Variants in ANAPC4 observed in about 807,000 individuals in gnomAD.
ANAPC4 encodes anaphase promoting complex subunit 4.
A neutral mutation model predicts 119.8 loss-of-function variants in ANAPC4; 63 were observed. That is an observed-to-expected ratio of 0.53 (90% CI 0.43 to 0.65). The LOEUF (loss-of-function observed/expected upper bound fraction) is 0.65. Among genes scored for constraint, ANAPC4 ranks in the 30% least tolerant of loss-of-function variants. The probability of loss-of-function intolerance (pLI) is 0.00; values close to 1 mark genes in which losing one functional copy is unlikely to be tolerated. For synonymous variants in ANAPC4, 283 were observed against 318.6 expected, an observed-to-expected ratio of 0.89 and a Z score of 1.19; for missense variants, 716 against 945.1, an observed-to-expected ratio of 0.76 and a Z score of 3.18.
intron 21 of ANAPC4, among the ~76,000 whole-genome samples, chr4:25,410,150 C>T (rs1723481574): frequency 6.6e-6 from 1 of 152,086 alleles, no homozygotes; most frequent in Non-Finnish European, 1.5e-5. Flanking sequence ...CACAGGGATG[C>T]TCAACTGTAT....
chr4:25,390,305 G>GT (rs562446911), intron 8 of ANAPC4, 85 bp downstream of exon 8: 345 of 980,482 alleles, frequency 3.5e-4, no homozygotes, highest in Non-Finnish European at 4.6e-4. Flanking sequence ...AAAACACTAG[G>GT]TTTTTTTTCA....
intron 10 of ANAPC4, among the ~76,000 whole-genome samples, chr4:25,392,876 C>G (rs548762603): frequency 6.6e-6 from 1 of 152,158 alleles, no homozygotes; most frequent in Non-Finnish European, 1.5e-5. Context: ...GCTGTGATTC[C>G]TTGTCTCTAC....
At chr4:25,396,478 T>C (rs1722660001) in intron 14 of ANAPC4, among the ~76,000 whole-genome samples, 186 bp from the exon 15 acceptor site, 1 of 152,264 alleles carries the variant, frequency 6.6e-6, no homozygotes, top group Non-Finnish European at 1.5e-5. Context: ...TGTTTATCTC[T>C]GTAGTCACAT....
chr4:25,394,973 C>T lies in ANAPC4; in HGVS notation c.1061+68C>T, dbSNP rs1162469999. On this transcript the variant is annotated intron_variant, in intron 14 of 28. Transcript: ENST00000315368. ...TACCTGGCGTTGGCCTTCTTTCCGC[C>T]GCCTTTTCTTCATCTGGCATTCTCT... is the stretch of plus-strand genomic sequence containing the variant. 43 of 1,209,936 alleles carry T rather than the reference C, an allele frequency of 3.6e-5. No homozygotes were observed. In the East Asian group the frequency reaches 5.1e-4, roughly 14 times the overall value. 75.0% of individuals were successfully genotyped at this position (1,209,936 alleles called of 1,614,324 possible).
chr4:25,415,579 T>C, intron 26 of ANAPC4, 39 bp downstream of exon 26: 1 of 1,532,902 alleles, frequency 6.5e-7, no homozygotes, highest in East Asian at 2.3e-5. Context: ...TGTAGATACA[T>C]GTGATATGTG....
chr4:25,413,560 T>G, intron 21 of ANAPC4, 85 bp from the exon 22 acceptor site: 1 of 958,568 alleles, frequency 1.0e-6, no homozygotes, highest in Non-Finnish European at 1.6e-6. Context: ...CTGTGCAGAC[T>G]GGCTCTAACA....
intron 2 of ANAPC4, among the ~76,000 whole-genome samples, chr4:25,377,903 A>G (rs1721497019): frequency 6.6e-6 from 1 of 152,258 alleles, no homozygotes; most frequent in Non-Finnish European, 1.5e-5. Flanking sequence ...TGTGCTGCTC[A>G]TGAGCTAGAC....
intron 18 of ANAPC4, among the ~76,000 whole-genome samples, chr4:25,406,436 A>G (rs952135646): frequency 1.3e-5 from 2 of 152,224 alleles, no homozygotes; most frequent in African/African-American, 2.4e-5. Context: ...GCAGGAGCCT[A>G]CACTGAAGCA....
intron 21 of ANAPC4, 133 bp from the exon 22 acceptor site, chr4:25,413,512 C>T (rs763759509): frequency 1.8e-4 from 109 of 593,056 alleles, no homozygotes; most frequent in Non-Finnish European, 2.8e-4. Context: ...TGTGAAAATC[C>T]AATGAAGTGG....
intron 3 of ANAPC4, among the ~76,000 whole-genome samples, chr4:25,382,913 A>G (rs1445197287): frequency 1.3e-5 from 2 of 152,210 alleles, no homozygotes; most frequent in Non-Finnish European, 2.9e-5. Context: ...CCTTTTAGAC[A>G]TGTGATAACA....
intron 21 of ANAPC4, among the ~76,000 whole-genome samples, chr4:25,412,015 CT>C (rs1723596609): frequency 6.6e-6 from 1 of 152,128 alleles, no homozygotes; most frequent in Non-Finnish European, 1.5e-5. Flanking sequence ...GGTAGCCATG[CT>C]TGTTGTCTGA....
chr4:25,388,908 A>G (rs777236882), intron 7 of ANAPC4, 26 bp downstream of exon 7: 1 of 1,538,870 alleles, frequency 6.5e-7, no homozygotes, highest in South Asian at 1.2e-5. Flanking sequence ...AAATAAGTCT[A>G]ATTTCTTAAA....
Position 25,380,982 on chromosome 4 carries a change from C to T in ANAPC4, c.235+503C>T, listed in dbSNP as rs554071581. Among the ~76,000 whole-genome samples the T allele has an allele frequency of 3.3e-5, 5 of 152,268 alleles. No individual in the cohort carries two copies. The East Asian group carries it at 9.6e-4, about 29-fold the overall frequency. ...TCTGTGTGTGATCTTTCTTCTGGTA[C>T]CCTCTTACGTTAAAGCCTGTTATGG... On this transcript the variant is annotated intron_variant, in intron 3 of 28. Transcript: ENST00000315368.
At chr4:25,377,583 G>GGGTC (rs1721481102) in intron 2 of ANAPC4, 27 bp downstream of exon 2, 1 of 1,585,038 alleles carries the variant, frequency 6.3e-7, no homozygotes, top group Non-Finnish European at 8.6e-7. Context: ...GAGCCCGCCT[G>GGGTC]TGCTGGGTCT....
chr4:25,408,246 GGTTT>G (rs1723369884), intron 20 of ANAPC4, among the ~76,000 whole-genome samples: 1 of 152,144 alleles, frequency 6.6e-6, no homozygotes, highest in Non-Finnish European at 1.5e-5. Flanking sequence ...GTATCTTAAA[GGTTT>G]GTTTCAGTGT....
In ANAPC4 at chr4:25,388,850, T is replaced by A; in HGVS notation, c.483T>A (p.Ser161=). The A allele has an allele frequency of 6.2e-7, 1 of 1,604,748 alleles. No individual in the cohort carries two copies. Among genetic ancestry groups the A allele is most frequent in the Non-Finnish European group, 8.5e-7 (1 of 1,174,230 alleles). ...NTSKIFSEEN[S]DEIIKLLGDV... ...TTCTATATTTTAGTGAAGAAAATTCTGATGAAATTATTAAGCTCTTGGGAG... is the reference window on the plus strand; with the variant it reads ...TTCTATATTTTAGTGAAGAAAATTCAGATGAAATTATTAAGCTCTTGGGAG... The change falls in exon 7 of 29, where the codon TCT becomes TCA. Residue 161 remains serine, a synonymous_variant. Coordinates refer to ENST00000315368, the MANE Select transcript of ANAPC4 (RefSeq NM_013367.3).
At chr4:25,386,851 C>T (rs1324391546) in intron 4 of ANAPC4, among the ~76,000 whole-genome samples, 55 of 152,132 alleles carry the variant, frequency 3.6e-4, no homozygotes. Context: ...ACCTGAATAG[C>T]TAAGAGTTTT....
chr4:25,394,304 T>C lies in ANAPC4; in HGVS notation c.877-6T>C, dbSNP rs1297824865. ...ATATCACAATTTTTTTTTCACTTTT[T>C]TCCAGGAAAAGAACACAACCACATC... On this transcript the variant is annotated splice_polypyrimidine_tract_variant and splice_region_variant and intron_variant, in intron 11 of 28. Coordinates refer to ENST00000315368, the MANE Select transcript of ANAPC4 (RefSeq NM_013367.3). The C allele has an allele frequency of 6.3e-7, 1 of 1,577,168 alleles. No individual in the cohort carries two copies. The highest frequency in any genetic ancestry group is 8.5e-7 in the Non-Finnish European group (1 of 1,170,676).
At chr4:25,383,176 A>G in intron 3 of ANAPC4, 85 bp from the exon 4 acceptor site, 1 of 1,310,712 alleles carries the variant, frequency 7.6e-7, no homozygotes, top group Non-Finnish European at 1.0e-6. Flanking sequence ...CACTTAAAAG[A>G]GTAAAACTGG....
Sources: allele counts gnomAD v4.1 joint callset (sites outside exome capture counted in the v4.1 genomes callset), GRCh38; gene constraint gnomAD v4.1.1; transcripts MANE v1.5; gene names NCBI Gene and HGNC (gene_info 2026-07-23, HGNC 2026-07-21).